SPATS2: variants seen among roughly 807,000 people sequenced by gnomAD.
The protein encoded by SPATS2 is spermatogenesis associated serine rich 2.
A neutral mutation model predicts 63.7 loss-of-function variants in SPATS2; 38 were observed. The ratio of observed to expected loss-of-function variants is 0.60; its 90% CI spans 0.46 to 0.78. SPATS2 has a LOEUF of 0.78. Ranked by LOEUF, SPATS2 falls within the 30% of genes least tolerant of loss-of-function variation. SPATS2 has a pLI of 0.00. For missense variants in SPATS2, 588 were observed against 666.2 expected (o/e 0.88, Z 1.29); for synonymous variants, 207 against 232.9 (o/e 0.89, Z 1.01).
At chr12:49,451,486 G>A (rs1945622622) in intron 2 of SPATS2, among the ~76,000 whole-genome samples, 1 of 151,836 alleles carries the variant, frequency 6.6e-6, no homozygotes, top group Non-Finnish European at 1.5e-5. Flanking sequence ...TATTAATCTT[G>A]TATTACATAA....
chr12:49,442,002 C>T (rs781142455), intron 2 of SPATS2, among the ~76,000 whole-genome samples: 14 of 151,822 alleles, frequency 9.2e-5, no homozygotes, highest in African/African-American at 2.4e-4. Flanking sequence ...AACAATTCTA[C>T]GAAAAAACAA....
At chr12:49,427,845 C>G (rs1945107964) in intron 2 of SPATS2, among the ~76,000 whole-genome samples, 2 of 152,090 alleles carry the variant, frequency 1.3e-5, no homozygotes, top group African/African-American at 4.8e-5. Context: ...TCTTTAAAAA[C>G]CTTCATGATA....
rs540873953 is a variant in SPATS2, at chr12:49,508,646, TCTGGTCTTGACCTC to T, written c.840-5904_840-5891del. On this transcript the variant is annotated intron_variant, in intron 9 of 13. Transcript: ENST00000552918. Reference sequence around the variant, plus strand: ...GACAAGATCCCACTTTGTTACCCAGTCTGGTCTTGACCTCCTGGGCTCAAGTGATCCTCCTGCCT... The same window carrying T: ...GACAAGATCCCACTTTGTTACCCAGTCTGGGCTCAAGTGATCCTCCTGCCT... Among the ~76,000 whole-genome samples, 32 of 152,220 alleles carry T rather than the reference TCTGGTCTTGACCTC, an allele frequency of 2.1e-4. 1 individual carries two copies. The highest frequency in any genetic ancestry group is 3.4e-3 in the Middle Eastern group (1 of 294).
chr12:49,458,550 C>T (rs1487544884), intron 2 of SPATS2, among the ~76,000 whole-genome samples: 1 of 151,818 alleles, frequency 6.6e-6, no homozygotes. Flanking sequence ...GAGGCCAAGG[C>T]GGGCAGATTA....
chr12:49,482,403 A>G (rs1946221677), intron 3 of SPATS2, among the ~76,000 whole-genome samples: 1 of 152,196 alleles, frequency 6.6e-6, no homozygotes, highest in Non-Finnish European at 1.5e-5. Context: ...CAAAGGTCAC[A>G]GCAACTGTCT....
At chr12:49,417,081 G>A (rs1944901557) in intron 2 of SPATS2, among the ~76,000 whole-genome samples, 1 of 152,152 alleles carries the variant, frequency 6.6e-6, no homozygotes, top group Non-Finnish European at 1.5e-5. Context: ...AGACTTCCCA[G>A]TAATAAAAAC....
At chr12:49,461,936 GT>G (rs897646233) in intron 3 of SPATS2, among the ~76,000 whole-genome samples, 2 of 151,988 alleles carry the variant, frequency 1.3e-5, no homozygotes, top group African/African-American at 4.8e-5. Context: ...CAACGGAAAA[GT>G]TTTTTTTAAT....
intron 2 of SPATS2, among the ~76,000 whole-genome samples, chr12:49,392,014 C>T (rs905796719): frequency 4.5e-4 from 68 of 152,122 alleles, no homozygotes; most frequent in African/African-American, 1.5e-3. Context: ...CTTAATTTAA[C>T]GACACATTCA....
At chr12:49,382,308 T>C (rs541333848) in intron 2 of SPATS2, among the ~76,000 whole-genome samples, 1 of 152,368 alleles carries the variant, frequency 6.6e-6, no homozygotes, top group South Asian at 2.1e-4. Context: ...AAGCAGTGCA[T>C]GCATGCAGTA....
At chr12:49,490,844 GTTAAAAAACATC>G in intron 6 of SPATS2, 113 bp downstream of exon 6, 1 of 1,023,560 alleles carries the variant, frequency 9.8e-7, no homozygotes, top group Non-Finnish European at 1.4e-6. Context: ...TGTTTACCTG[GTTAAAAAACATC>G]TTTGGCCAGG....
chr12:49,454,531 C>G (rs1945684440), intron 2 of SPATS2: 1 of 152,208 alleles, frequency 6.6e-6, no homozygotes, highest in African/African-American at 2.4e-5. Flanking sequence ...TTATTGCTGT[C>G]TGCATACCCT....
intron 2 of SPATS2, among the ~76,000 whole-genome samples, chr12:49,376,506 C>T (rs891905359): frequency 3.3e-5 from 5 of 151,820 alleles, no homozygotes; most frequent in Non-Finnish European, 5.9e-5. Flanking sequence ...AAGTGATCCT[C>T]CCACCTCAGT....
At chr12:49,377,424 C>T (rs1313746171) in intron 2 of SPATS2, among the ~76,000 whole-genome samples, 3 of 152,084 alleles carry the variant, frequency 2.0e-5, no homozygotes, top group Non-Finnish European at 4.4e-5. Flanking sequence ...TACTTTCATC[C>T]TGATTACTTG....
intron 9 of SPATS2, among the ~76,000 whole-genome samples, chr12:49,509,325 G>A (rs1253482063): frequency 8.1e-6 from 1 of 123,794 alleles, no homozygotes; most frequent in East Asian, 2.5e-4. Flanking sequence ...CTGTCACCAA[G>A]GCTGGAGTGC....
At chr12:49,477,411 A>G (rs1370502462) in intron 3 of SPATS2, among the ~76,000 whole-genome samples, 2 of 152,228 alleles carry the variant, frequency 1.3e-5, no homozygotes, top group African/African-American at 2.4e-5. Context: ...TGTTGAGACT[A>G]TAGGCAAATG....
intron 2 of SPATS2, among the ~76,000 whole-genome samples, chr12:49,459,862 G>A (rs542362683): frequency 1.3e-4 from 19 of 148,330 alleles, no homozygotes; most frequent in African/African-American, 3.5e-4. Flanking sequence ...CGAGGCAGGC[G>A]GATCACGAGG....
chr12:49,368,800 A>G (rs1230358177), intron 1 of SPATS2, among the ~76,000 whole-genome samples: 3 of 152,154 alleles, frequency 2.0e-5, no homozygotes, highest in African/African-American at 7.2e-5. Context: ...TGTGCTCCTA[A>G]GTAGTCCATG....
In SPATS2 at chr12:49,494,792, A is replaced by T. The variant is rs754549550; in HGVS notation, c.316A>T (p.Ile106Phe). ...PKPAAEPSNGIPDSSKSVSIQ... is the reference protein window; with the variant it reads ...PKPAAEPSNGFPDSSKSVSIQ... ...ACCTGCCGCAGAACCAAGTAACGGC[A>T]TCCCAGATTCCAGTAAATCAGTTTC... The change falls in exon 7 of 14, where the codon ATC becomes TTC. Residue 106 changes from isoleucine (I) to phenylalanine (F), a missense_variant. By Grantham distance (21) the Ile-to-Phe change is conservative. Coordinates refer to ENST00000552918, the MANE Select transcript of SPATS2 (RefSeq NM_023071.4). The T allele has an allele frequency of 6.2e-7, 1 of 1,612,312 alleles. No individual in the cohort carries two copies.
rs369563728 is a variant in SPATS2, at chr12:49,447,694, A to G, written c.-243-13076A>G. Among the ~76,000 whole-genome samples, 77 of 152,278 alleles carry G rather than the reference A, an allele frequency of 5.1e-4. No homozygotes were observed. The South Asian group carries it at 0.012, about 24-fold the overall frequency. Reference sequence around the variant, plus strand: ...TTGATATCCTACCCTTTTTAAGTCAATCTTAGTAATGTAAGTTTTTCTAGG... The same window carrying G: ...TTGATATCCTACCCTTTTTAAGTCAGTCTTAGTAATGTAAGTTTTTCTAGG... On this transcript the variant is annotated intron_variant, in intron 2 of 13. Transcript: ENST00000552918.
Sources: allele counts gnomAD v4.1 joint callset (sites outside exome capture counted in the v4.1 genomes callset), GRCh38; gene constraint gnomAD v4.1.1; transcripts MANE v1.5; gene names NCBI Gene and HGNC (gene_info 2026-07-23, HGNC 2026-07-21).